Variants in TBC1D9 observed in about 807,000 individuals in gnomAD.
The protein encoded by TBC1D9 is TBC1 domain family member 9.
Under a neutral mutation model 132.0 loss-of-function variants are expected in TBC1D9, and 63 were observed. The ratio of observed to expected loss-of-function variants is 0.48; its 90% confidence interval spans 0.39 to 0.59. The LOEUF is 0.59. TBC1D9 is among the 20% of genes least tolerant of loss of function. TBC1D9 has a pLI of 0.00. For missense variants in TBC1D9, 1,261 were observed against 1,592.7 expected (o/e 0.79, Z 3.54); for synonymous variants, 610 against 609.9 (o/e 1.00, Z 0.00).
chr4:140,626,549 A>G (rs1736712135), intron 18 of TBC1D9, among the ~76,000 whole-genome samples: 1 of 152,212 alleles, frequency 6.6e-6, no homozygotes, highest in Non-Finnish European at 1.5e-5. Flanking sequence ...CCCAGGAGAA[A>G]CCTACATTTA....
intron 2 of TBC1D9, among the ~76,000 whole-genome samples, chr4:140,699,212 T>C (rs552188271): frequency 1.3e-5 from 2 of 152,158 alleles, no homozygotes; most frequent in African/African-American, 4.8e-5. Context: ...CATAAATAAT[T>C]AAATAAATAA....
chr4:140,751,775 G>A (rs113824284), intron 1 of TBC1D9, among the ~76,000 whole-genome samples: 3,647 of 152,210 alleles, frequency 0.024, 67 homozygotes, highest in Non-Finnish European at 0.031. Context: ...AAATGGACAA[G>A]AGACTTGAAC....
intron 1 of TBC1D9, among the ~76,000 whole-genome samples, chr4:140,732,931 T>C (rs1010165644): frequency 6.6e-6 from 1 of 152,204 alleles, no homozygotes; most frequent in African/African-American, 2.4e-5. Context: ...ATCGCCACTA[T>C]AAAAATAGCT....
At chr4:140,643,761 G>T (rs1160948785) in intron 13 of TBC1D9, 2 of 1,063,984 alleles carry the variant, frequency 1.9e-6, no homozygotes, top group Non-Finnish European at 1.4e-6. Context: ...AGGCCCCTCC[G>T]CAAAGTCTGG....
chr4:140,643,988 G>C (rs1016783899), intron 13 of TBC1D9: 17 of 555,170 alleles, frequency 3.1e-5, no homozygotes, highest in African/African-American at 3.0e-4. Flanking sequence ...CTTCCTCCGG[G>C]TCCTCCCGCA....
chr4:140,637,357 G>GA (rs11401987), intron 15 of TBC1D9, among the ~76,000 whole-genome samples: 28,741 of 141,682 alleles, frequency 0.2, 3,332 homozygotes, highest in African/African-American at 0.34. Flanking sequence ...CTCAAAGAAG[G>GA]AAAAAAAAAA....
intron 1 of TBC1D9, among the ~76,000 whole-genome samples, chr4:140,709,219 ATC>A (rs145661338): frequency 0.018 from 1,612 of 88,136 alleles, 18 homozygotes; most frequent in African/African-American, 0.033. Context: ...AACCAGCCTT[ATC>A]TCTCTCTCTC....
intron 3 of TBC1D9, among the ~76,000 whole-genome samples, chr4:140,682,817 A>G (rs1737726399): frequency 6.6e-6 from 1 of 152,146 alleles, no homozygotes; most frequent in South Asian, 2.1e-4. Flanking sequence ...ACATATAACA[A>G]ACCATAAGCA....
At chr4:140,705,272 A>C (rs895127405) in intron 1 of TBC1D9, among the ~76,000 whole-genome samples, 3 of 152,168 alleles carry the variant, frequency 2.0e-5, no homozygotes, top group Admixed American at 2.0e-4. Context: ...CTAATCTTTT[A>C]ATGCCGTCTC....
At chr4:140,677,999 G>A (rs1268134330) in intron 5 of TBC1D9, among the ~76,000 whole-genome samples, 1 of 147,164 alleles carries the variant, frequency 6.8e-6, no homozygotes, top group East Asian at 2.0e-4. Context: ...TTGATACTAT[G>A]TTCAAATCTT....
intron 1 of TBC1D9, among the ~76,000 whole-genome samples, chr4:140,731,323 T>A (rs1379926682): frequency 6.6e-6 from 1 of 152,132 alleles, no homozygotes; most frequent in Non-Finnish European, 1.5e-5. Context: ...TAATATTACA[T>A]ATTATTAGGA....
chr4:140,643,052 C>T, intron 13 of TBC1D9: 1 of 1,238,500 alleles, frequency 8.1e-7, no homozygotes. Flanking sequence ...TCCGCTCCTC[C>T]TTCTTGCGCA....
intron 2 of TBC1D9, among the ~76,000 whole-genome samples, chr4:140,689,210 T>C (rs970155248): frequency 6.6e-6 from 1 of 152,100 alleles, no homozygotes; most frequent in African/African-American, 2.4e-5. Context: ...GCCAGGATAA[T>C]CTGGCTCTTG....
intron 1 of TBC1D9, among the ~76,000 whole-genome samples, chr4:140,708,004 C>T (rs1032421105): frequency 2.6e-5 from 4 of 152,068 alleles, no homozygotes; most frequent in Non-Finnish European, 4.4e-5. Flanking sequence ...TTTCCTCCCA[C>T]CAGACCCTGG....
chr4:140,718,357 A>G (rs1299663842), intron 1 of TBC1D9, among the ~76,000 whole-genome samples: 1 of 152,096 alleles, frequency 6.6e-6, no homozygotes, highest in East Asian at 1.9e-4. Context: ...AGACAGAACA[A>G]TCCCCTCTTT....
rs925001884 is a variant in TBC1D9, at chr4:140,624,526, TCAAAA to T, written c.2900-143_2900-139del. On this transcript the variant is annotated intron_variant, in intron 18 of 20. Transcript: ENST00000442267. ...AAACAAACAAACAAAAAAAAACTCC[TCAAAA>T]CAAAACAAAACATTCAGTTAAATTT... The T allele has an allele frequency of 7.5e-5, 53 of 711,090 alleles. No homozygotes were observed. The East Asian group carries it at 8.5e-4, about 11-fold the overall frequency. The allele number at this position is 711,090 out of a possible 1,614,324, so 44.0% of individuals were successfully genotyped here.
chr4:140,681,022 G>T (rs1449350832), intron 3 of TBC1D9, among the ~76,000 whole-genome samples: 2 of 152,120 alleles, frequency 1.3e-5, no homozygotes, highest in African/African-American at 2.4e-5. Context: ...GTGAAGCAGG[G>T]TAACCCACAG....
intron 10 of TBC1D9, among the ~76,000 whole-genome samples, chr4:140,661,073 C>T (rs1057061586): frequency 1.3e-5 from 2 of 152,126 alleles, no homozygotes; most frequent in Non-Finnish European, 2.9e-5. Flanking sequence ...TGCCACCACG[C>T]CTGGCTAATT....
At chr4:140,637,632 C>A (rs1209319668) in intron 15 of TBC1D9, among the ~76,000 whole-genome samples, 2 of 152,226 alleles carry the variant, frequency 1.3e-5, no homozygotes, top group Admixed American at 1.3e-4. Flanking sequence ...TCATTGTTTT[C>A]TCCTGCCTTA....
Sources: allele counts gnomAD v4.1 joint callset (sites outside exome capture counted in the v4.1 genomes callset), GRCh38; gene constraint gnomAD v4.1.1; transcripts MANE v1.5; gene names NCBI Gene and HGNC (gene_info 2026-07-23, HGNC 2026-07-21).